The following C2orf92 variants were observed in gnomAD, a reference collection of about 807,000 sequenced individuals.
C2orf92 encodes the protein uncharacterized protein C2orf92.
chr2:97,698,442 C>G (rs1676380039), intron 5 of C2orf92, among the ~76,000 whole-genome samples: 1 of 152,234 alleles, frequency 6.6e-6, no homozygotes, highest in Non-Finnish European at 1.5e-5. Context: ...TGCAATCCCT[C>G]TACTGATACC....
intron 3 of C2orf92, among the ~76,000 whole-genome samples, chr2:97,682,237 C>T (rs950715358): frequency 1.3e-5 from 2 of 152,122 alleles, no homozygotes; most frequent in African/African-American, 4.8e-5. Flanking sequence ...TTCCTGGAAG[C>T]ACACGAACTA....
chr2:97,681,368 A>G (rs1675768134), intron 3 of C2orf92, among the ~76,000 whole-genome samples: 3 of 152,198 alleles, frequency 2.0e-5, no homozygotes, highest in Admixed American at 2.0e-4. Context: ...GAATGAAACT[A>G]GAAATCTACA....
chr2:97,683,650 G>C (rs796702772), intron 3 of C2orf92, among the ~76,000 whole-genome samples: 152 of 151,194 alleles, frequency 1.0e-3, no homozygotes, highest in African/African-American at 3.5e-3. Flanking sequence ...TCTACCGTAA[G>C]ATTCGTATGG....
chr2:97,674,768 C>T (rs989642183), intron 2 of C2orf92, among the ~76,000 whole-genome samples: 1 of 152,096 alleles, frequency 6.6e-6, no homozygotes, highest in African/African-American at 2.4e-5. Flanking sequence ...TGTGAATATC[C>T]CTGTATTTTG....
At chr2:97,677,915 G>T (rs117161143) in intron 3 of C2orf92, among the ~76,000 whole-genome samples, 4 of 152,168 alleles carry the variant, frequency 2.6e-5, no homozygotes, top group African/African-American at 2.4e-5. Flanking sequence ...GCTGAAAAGT[G>T]TAATAAATGA....
At chr2:97,689,762 A>G (rs558435525) in intron 4 of C2orf92, among the ~76,000 whole-genome samples, 17 of 152,198 alleles carry the variant, frequency 1.1e-4, no homozygotes, top group Admixed American at 2.6e-4. Context: ...ACCACTGTCT[A>G]CATCAAGGCA....
upstream of C2orf92, among the ~76,000 whole-genome samples, chr2:97,666,321 A>G (rs13000505): frequency 0.48 from 72,767 of 151,474 alleles, 20,957 homozygotes; most frequent in Non-Finnish European, 0.66. Context: ...GCAGATCACG[A>G]GGTCAGGAGA....
chr2:97,675,912 T>G lies in C2orf92; in HGVS notation c.216T>G (p.His72Gln). Residue 72 changes from histidine (H) to glutamine (Q), a missense_variant, in exon 3 of 8, where the codon CAT becomes CAG. Transcript: ENST00000627399. ...CAGGTTCAAATGAGCGAGAGGAACA[T>G]TTGGCTAAAATATTTGGTAAGTAGC... is the stretch of plus-strand genomic sequence containing the variant. The part of the protein sequence containing the change: ...FASGSNEREE[H>Q]LAKIFDEILL... 1 of 398,954 alleles carries G rather than the reference T, an allele frequency of 2.5e-6. No homozygotes were observed. Among genetic ancestry groups the G allele is most frequent in the Non-Finnish European group, 4.4e-6 (1 of 226,080 alleles). 24.7% of individuals were successfully genotyped at this position (398,954 alleles called of 1,614,324 possible).
At chr2:97,695,504 T>C (rs945262848) in intron 5 of C2orf92, among the ~76,000 whole-genome samples, 9 of 152,176 alleles carry the variant, frequency 5.9e-5, no homozygotes, top group African/African-American at 1.2e-4. Context: ...CCCTGAATAA[T>C]GTATCTTCAC....
At chr2:97,695,402 T>A (rs1676276615) in intron 5 of C2orf92, among the ~76,000 whole-genome samples, 1 of 152,226 alleles carries the variant, frequency 6.6e-6, no homozygotes, top group Non-Finnish European at 1.5e-5. Flanking sequence ...TAGTACCATT[T>A]GTTAACCTAT....
intron 3 of C2orf92, among the ~76,000 whole-genome samples, chr2:97,678,038 A>G (rs1223416503): frequency 6.6e-6 from 1 of 152,060 alleles, no homozygotes; most frequent in South Asian, 2.1e-4. Flanking sequence ...GTCTCTACTA[A>G]AAATACAAAA....
rs573201660 is a variant in C2orf92, at chr2:97,681,635, G to T, written c.232+5707G>T. 1.0e-3 allele frequency among the ~76,000 whole-genome samples: 156 copies of T among 152,290 alleles called. 1 individual carries two copies. The highest frequency in any genetic ancestry group is 3.6e-3 in the African/African-American group (149 of 41,568). On this transcript the variant is annotated intron_variant, in intron 3 of 7. Transcript: ENST00000627399. ...GCACTTTGGGAGGCCTAGGCGGGCG[G>T]ATCACGAGGTCAGGAGATCGAGACC...
At chr2:97,699,602 T>C (rs1001400670) in intron 6 of C2orf92, among the ~76,000 whole-genome samples, 1 of 151,960 alleles carries the variant, frequency 6.6e-6, no homozygotes, top group Non-Finnish European at 1.5e-5. Context: ...CGAGACTCAA[T>C]CTAAAAAAAT....
chr2:97,676,526 A>G (rs1375202837), intron 3 of C2orf92, among the ~76,000 whole-genome samples: 4 of 150,126 alleles, frequency 2.7e-5, no homozygotes, highest in Non-Finnish European at 5.9e-5. Flanking sequence ...TGGGAGGCCA[A>G]GGTGGGAGGA....
At chr2:97,686,683 G>T (rs369335427) in intron 3 of C2orf92, among the ~76,000 whole-genome samples, 1 of 151,884 alleles carries the variant, frequency 6.6e-6, no homozygotes, top group Non-Finnish European at 1.5e-5. Flanking sequence ...CTCCCAAAGT[G>T]TTGGGATTAC....
At chr2:97,665,844 A>G (rs1219406882), upstream of C2orf92, 1 of 150,382 alleles carries the variant, frequency 6.6e-6, no homozygotes, top group Non-Finnish European at 1.5e-5. Context: ...GTTGCCTGAT[A>G]TCAGCTCACT....
chr2:97,696,779 G>A (rs753940133), intron 5 of C2orf92, among the ~76,000 whole-genome samples: 6 of 152,110 alleles, frequency 3.9e-5, no homozygotes, highest in Non-Finnish European at 2.9e-5. Flanking sequence ...AAAACATCTC[G>A]ATAGGAGGAG....
chr2:97,681,654 C>G (rs1675778950), intron 3 of C2orf92, among the ~76,000 whole-genome samples: 1 of 152,146 alleles, frequency 6.6e-6, no homozygotes, highest in South Asian at 2.1e-4. Context: ...GTCAGGAGAT[C>G]GAGACCATCC....
chr2:97,681,797 G>A (rs1331597427), intron 3 of C2orf92, among the ~76,000 whole-genome samples: 7 of 152,064 alleles, frequency 4.6e-5, no homozygotes, highest in East Asian at 1.9e-4. Context: ...GGCGGAGCTT[G>A]CAGTGAGCCG....
Sources: gnomAD v4.1 joint callset for allele counts (sites outside exome capture counted in the v4.1 genomes callset) on GRCh38, gnomAD v4.1.1 for gene constraint, MANE v1.5 for transcripts, NCBI Gene and HGNC (gene_info 2026-07-23, HGNC 2026-07-21) for gene names.